CCSER2: variants seen among roughly 807,000 people sequenced by gnomAD.
CCSER2 encodes coiled-coil serine rich protein 2.
Under a neutral mutation model 92.3 loss-of-function variants are expected in CCSER2, and 46 were observed. That is an observed-to-expected ratio of 0.50 (90% CI 0.39 to 0.64). The LOEUF is 0.64. Ranked by LOEUF, CCSER2 falls within the 30% of genes least tolerant of loss-of-function variation. The probability of loss-of-function intolerance (pLI) is 0.00; values close to 1 mark genes in which losing one functional copy is unlikely to be tolerated. For synonymous variants in CCSER2, 433 were observed against 431.4 expected (o/e 1.00, Z -0.04); for missense variants, 1,244 against 1,238.9 (o/e 1.00, Z -0.06).
intron 5 of CCSER2, among the ~76,000 whole-genome samples, chr10:84,431,698 C>T (rs1843776832): frequency 6.6e-6 from 1 of 152,018 alleles, no homozygotes; most frequent in Non-Finnish European, 1.5e-5. Context: ...GCCGAGATCA[C>T]CCCACTCTCC....
At chr10:84,435,199 A>G (rs1379644456) in intron 5 of CCSER2, among the ~76,000 whole-genome samples, 2 of 152,224 alleles carry the variant, frequency 1.3e-5, no homozygotes, top group Non-Finnish European at 2.9e-5. Flanking sequence ...GCCCAAAGAT[A>G]ATAAATATTT....
chr10:84,436,353 A>AAAAAAAAAAAG (rs59522717), intron 5 of CCSER2, among the ~76,000 whole-genome samples: 1 of 96,572 alleles, frequency 1.0e-5, no homozygotes, highest in African/African-American at 3.8e-5. Context: ...AAAAAAAAAA[A>AAAAAAAAAAAG]TGCCGGGCGC....
intron 3 of CCSER2, among the ~76,000 whole-genome samples, chr10:84,412,382 G>T (rs1842697200): frequency 6.6e-6 from 1 of 151,678 alleles, no homozygotes; most frequent in Non-Finnish European, 1.5e-5. Flanking sequence ...GCTCTTCTTT[G>T]TGTACCTCTG....
At chr10:84,399,334 G>A (rs1308035980) in intron 3 of CCSER2, among the ~76,000 whole-genome samples, 1 of 152,058 alleles carries the variant, frequency 6.6e-6, no homozygotes, top group Non-Finnish European at 1.5e-5. Flanking sequence ...ATACCCTCTA[G>A]TTCCATGTTA....
At chr10:84,412,597 G>A (rs1360620363) in intron 3 of CCSER2, among the ~76,000 whole-genome samples, 1 of 152,166 alleles carries the variant, frequency 6.6e-6, no homozygotes, top group Non-Finnish European at 1.5e-5. Flanking sequence ...AAAGGAATGA[G>A]AAAAAGACAG....
At chr10:84,381,122 G>A (rs1028837641) in intron 3 of CCSER2, among the ~76,000 whole-genome samples, 1 of 152,170 alleles carries the variant, frequency 6.6e-6, no homozygotes, top group East Asian at 1.9e-4. Flanking sequence ...TGGTTGTTGT[G>A]TATTTTGAGT....
chr10:84,389,007 C>G (rs2133248963), intron 3 of CCSER2, among the ~76,000 whole-genome samples: 1 of 152,268 alleles, frequency 6.6e-6, no homozygotes, highest in East Asian at 1.9e-4. Context: ...CCTATATAAT[C>G]ACAGAATAAC....
intron 1 of CCSER2, among the ~76,000 whole-genome samples, chr10:84,341,321 A>G (rs1844167314): frequency 1.4e-5 from 2 of 143,788 alleles, no homozygotes; most frequent in African/African-American, 5.3e-5. Flanking sequence ...GGCACAAGCC[A>G]CTGCACCTGG....
At chr10:84,374,040 TTCCTC>T in intron 3 of CCSER2, 7 of 991,052 alleles carry the variant, frequency 7.1e-6, no homozygotes, top group Middle Eastern at 3.3e-4. Context: ...TACATATATA[TTCCTC>T]ATACATATGT....
chr10:84,442,452 G>C (rs1844629859), intron 6 of CCSER2, among the ~76,000 whole-genome samples: 1 of 152,098 alleles, frequency 6.6e-6, no homozygotes, highest in African/African-American at 2.4e-5. Context: ...TAGGTTATAA[G>C]GCTGTATGTA....
At chr10:84,493,910 C>T (rs917289086) in intron 9 of CCSER2, among the ~76,000 whole-genome samples, 7 of 152,296 alleles carry the variant, frequency 4.6e-5, no homozygotes, top group South Asian at 2.1e-4. Flanking sequence ...CTAGATGGTC[C>T]TGTCTGGGGG....
intron 6 of CCSER2, 119 bp downstream of exon 6, chr10:84,438,826 T>A (rs1844347974): frequency 1.6e-6 from 1 of 636,614 alleles, no homozygotes; most frequent in African/African-American, 1.8e-5. Context: ...TTCTGTAGAA[T>A]AATGCTTGTA....
chr10:84,446,617 A>G (rs1589688547), intron 6 of CCSER2, among the ~76,000 whole-genome samples: 1 of 116,620 alleles, frequency 8.6e-6, no homozygotes, highest in South Asian at 2.9e-4. Flanking sequence ...AAATATTCAT[A>G]ATAAGAATAT....
Position 84,372,137 on chromosome 10 carries a change from A to G in CCSER2, c.1085A>G (p.Asn362Ser), listed in dbSNP as rs756872685. 1 of 1,613,632 alleles carries G rather than the reference A, an allele frequency of 6.2e-7. No homozygotes were observed. The highest frequency in any genetic ancestry group is 8.5e-7 in the Non-Finnish European group (1 of 1,179,740). The change falls in exon 2 of 10, where the codon AAT becomes AGT. Residue 362 changes from asparagine to serine, a missense_variant. Coordinates refer to ENST00000372088, the MANE Select transcript of CCSER2 (RefSeq NM_001284240.2). The part of the protein sequence containing the change: ...ATVLAKDRAA[N>S]KDQELIENES... ...GTTTTGGCTAAGGACAGAGCTGCTA[A>G]TAAGGACCAAGAACTGATTGAAAAT...
intron 1 of CCSER2, among the ~76,000 whole-genome samples, chr10:84,368,036 C>T (rs142976850): frequency 2.6e-5 from 4 of 152,184 alleles, no homozygotes; most frequent in African/African-American, 9.6e-5. Context: ...CAGTACATGT[C>T]TATGGGCTTC....
rs73321624 is a variant in CCSER2 at position 84,410,977 on chromosome 10, C to T, written c.1615-6794C>T. ...GAAGAAGTCCAGTTTCAATTTTCTG[C>T]GTATGACCAGCCAGTTCTTCCAGCA... is the stretch of plus-strand genomic sequence containing the variant. On this transcript the variant is annotated intron_variant, in intron 3 of 9. Coordinates refer to ENST00000372088, the MANE Select transcript of CCSER2 (RefSeq NM_001284240.2). Among the ~76,000 whole-genome samples the T allele has an allele frequency of 5.0e-3, 755 of 152,268 alleles. 4 individuals are homozygous for T. The highest frequency in any genetic ancestry group is 0.017 in the African/African-American group (713 of 41,538).
At chr10:84,472,615 C>A (rs1346409656) in intron 8 of CCSER2, among the ~76,000 whole-genome samples, 1 of 151,894 alleles carries the variant, frequency 6.6e-6, no homozygotes, top group African/African-American at 2.4e-5. Context: ...TAAAATTATT[C>A]TCATCAAAAA....
intron 1 of CCSER2, among the ~76,000 whole-genome samples, chr10:84,346,015 T>C (rs1844453752): frequency 6.6e-6 from 1 of 152,176 alleles, no homozygotes; most frequent in Non-Finnish European, 1.5e-5. Flanking sequence ...GATTTTTCAG[T>C]GATATTTATT....
chr10:84,407,236 T>C (rs1842423199), intron 3 of CCSER2, among the ~76,000 whole-genome samples: 1 of 152,244 alleles, frequency 6.6e-6, no homozygotes, highest in African/African-American at 2.4e-5. Flanking sequence ...TGTATTCTTT[T>C]ACATTCTACC....
Sources: allele counts gnomAD v4.1 joint callset (sites outside exome capture counted in the v4.1 genomes callset), GRCh38; gene constraint gnomAD v4.1.1; transcripts MANE v1.5; gene names NCBI Gene and HGNC (gene_info 2026-07-23, HGNC 2026-07-21).